The following TENM2 variants were observed in gnomAD, a reference collection of about 807,000 sequenced individuals.
TENM2 encodes the protein teneurin transmembrane protein 2, also known as teneurin-2.
A neutral mutation model predicts 245.2 loss-of-function variants in TENM2; 52 were observed. The ratio of observed to expected loss-of-function variants is 0.21; its 90% CI spans 0.17 to 0.27. The LOEUF (loss-of-function observed/expected upper bound fraction) is 0.27. TENM2 is among the 10% of genes least tolerant of loss of function. The pLI is 1.00. For synonymous variants in TENM2, 1,363 were observed against 1,438.9 expected (o/e 0.95, Z 1.19); for missense variants, 3,046 against 3,666.8 (o/e 0.83, Z 4.37).
intron 2 of TENM2, among the ~76,000 whole-genome samples, chr5:167,675,726 A>G (rs1756273647): frequency 6.6e-6 from 1 of 152,116 alleles, no homozygotes. Context: ...GGGAAAAATA[A>G]TAGTACCTAG....
intron 3 of TENM2, among the ~76,000 whole-genome samples, chr5:167,942,419 T>G (rs1200046288): frequency 6.6e-6 from 1 of 152,114 alleles, no homozygotes; most frequent in African/African-American, 2.4e-5. Flanking sequence ...GTGGTCTAAC[T>G]TCAGAAGTCC....
chr5:167,445,367 AGAGT>A (rs1167918770), intron 2 of TENM2, among the ~76,000 whole-genome samples: 83 of 98,106 alleles, frequency 8.5e-4, no homozygotes, highest in Non-Finnish European at 1.3e-3. Context: ...AGAGAGAGAG[AGAGT>A]GTCAGGTGTT....
At chr5:167,580,309 C>T (rs1273711406) in intron 2 of TENM2, among the ~76,000 whole-genome samples, 2 of 152,186 alleles carry the variant, frequency 1.3e-5, no homozygotes, top group Non-Finnish European at 2.9e-5. Context: ...GTTTTTGTAA[C>T]TATTCACTAA....
intron 7 of TENM2, chr5:168,085,661 G>A (rs2152222375): frequency 6.6e-6 from 1 of 152,464 alleles, no homozygotes; most frequent in African/African-American, 2.4e-5. Context: ...ATTGTGCTGA[G>A]CTTTAATGAG....
chr5:167,102,450 C>G, the TENM2 span, among the ~76,000 whole-genome samples: 14 of 152,086 alleles, frequency 9.2e-5, no homozygotes, highest in African/African-American at 3.4e-4. Flanking sequence ...GAGTACTCTT[C>G]CCATTTGGTA....
intron 2 of TENM2, among the ~76,000 whole-genome samples, chr5:167,523,855 C>T (rs1770930203): frequency 6.6e-6 from 1 of 152,118 alleles, no homozygotes; most frequent in Non-Finnish European, 1.5e-5. Flanking sequence ...TCCAATATTT[C>T]CTTTCTGGAA....
At chr5:167,880,807 C>G (rs1304467022) in intron 3 of TENM2, among the ~76,000 whole-genome samples, 1 of 152,186 alleles carries the variant, frequency 6.6e-6, no homozygotes, top group African/African-American at 2.4e-5. Flanking sequence ...ATAGAAAAAC[C>G]TTAGTTCTTA....
chr5:167,534,284 G>A (rs900244982), intron 2 of TENM2, among the ~76,000 whole-genome samples: 1 of 152,164 alleles, frequency 6.6e-6, no homozygotes, highest in African/African-American at 2.4e-5. Context: ...TCTAAGGGAG[G>A]ATGCCAATGT....
rs987269504 is a variant in TENM2, at chr5:168,008,081, A to T, written c.1186+14899A>T. 7.9e-5 allele frequency among the ~76,000 whole-genome samples: 12 copies of T among 152,210 alleles called. No homozygotes were observed. The East Asian group carries it at 2.3e-3, about 29-fold the overall frequency. On this transcript the variant is annotated intron_variant, in intron 5 of 28. Transcript: ENST00000518659. The stretch of plus-strand genomic sequence containing the variant: ...AGAGATGCTAAGTTACAATTCAGCA[A>T]TTGAGCTATTGGAGTTCAGAGAAGG...
chr5:167,266,303 G>A, the TENM2 span, among the ~76,000 whole-genome samples: 15 of 152,290 alleles, frequency 9.8e-5, no homozygotes, highest in Admixed American at 8.5e-4. Flanking sequence ...AACACAGAAA[G>A]AGAGGTCATG....
chr5:167,432,955 T>C (rs1193642585), intron 2 of TENM2, among the ~76,000 whole-genome samples: 1 of 152,128 alleles, frequency 6.6e-6, no homozygotes, highest in Non-Finnish European at 1.5e-5. Flanking sequence ...ATACACGTTA[T>C]TGCTTTAATG....
the TENM2 span, among the ~76,000 whole-genome samples, chr5:166,984,297 A>G: frequency 2.0e-3 from 306 of 152,242 alleles, 1 homozygote; most frequent in Middle Eastern, 0.041. Context: ...AATTGGTGTG[A>G]TGAAGATGAA....
intron 2 of TENM2, among the ~76,000 whole-genome samples, chr5:167,504,323 G>A (rs535892936): frequency 1.3e-5 from 2 of 152,174 alleles, no homozygotes; most frequent in East Asian, 3.9e-4. Context: ...TATTTAAATT[G>A]CTCCTACTAC....
chr5:167,583,785 TC>T (rs1302424453), intron 2 of TENM2, among the ~76,000 whole-genome samples: 5 of 152,204 alleles, frequency 3.3e-5, no homozygotes, highest in African/African-American at 1.2e-4. Flanking sequence ...ACCTCTGCTC[TC>T]CCAATCTTCT....
intron 2 of TENM2, among the ~76,000 whole-genome samples, chr5:167,524,797 C>T (rs1179367914): frequency 1.3e-5 from 2 of 151,636 alleles, no homozygotes; most frequent in Non-Finnish European, 2.9e-5. Flanking sequence ...GAAAATCGAA[C>T]ATGAGGATTA....
At chr5:167,505,344 C>T (rs1444439684) in intron 2 of TENM2, among the ~76,000 whole-genome samples, 1 of 152,032 alleles carries the variant, frequency 6.6e-6, no homozygotes, top group African/African-American at 2.4e-5. Flanking sequence ...ATTATTCCTC[C>T]ATTTATATTA....
chr5:167,310,613 C>A (rs2127753128), intron 1 of TENM2, among the ~76,000 whole-genome samples: 1 of 151,686 alleles, frequency 6.6e-6, no homozygotes, highest in Admixed American at 6.6e-5. Context: ...CAGGAAAAAA[C>A]AAAATAAAAC....
At chr5:167,137,479 G>A in the TENM2 span, among the ~76,000 whole-genome samples, 1 of 152,164 alleles carries the variant, frequency 6.6e-6, no homozygotes, top group Non-Finnish European at 1.5e-5. Flanking sequence ...CTTAGGGAAT[G>A]CTATTGAAGA....
the TENM2 span, among the ~76,000 whole-genome samples, chr5:167,123,332 A>T: frequency 6.6e-6 from 1 of 152,186 alleles, no homozygotes; most frequent in Non-Finnish European, 1.5e-5. Flanking sequence ...TGTCTCAAAA[A>T]ATAAACAAAC....
Sources: allele counts gnomAD v4.1 joint callset (sites outside exome capture counted in the v4.1 genomes callset), GRCh38; gene constraint gnomAD v4.1.1; transcripts MANE v1.5; gene names NCBI Gene and HGNC (gene_info 2026-07-23, HGNC 2026-07-21).